USP6NL: variants seen among roughly 807,000 people sequenced by gnomAD.
The protein encoded by USP6NL is USP6 N-terminal like, also known as USP6 N-terminal-like protein.
A neutral mutation model predicts 61.9 loss-of-function variants in USP6NL; 26 were observed. That is an observed-to-expected ratio of 0.42 (90% CI 0.31 to 0.58). The LOEUF (loss-of-function observed/expected upper bound fraction) is 0.58. Ranked by LOEUF, USP6NL falls within the 20% of genes least tolerant of loss-of-function variation. The pLI is 0.16. For missense variants in USP6NL, 1,114 were observed against 1,034.3 expected, an observed-to-expected ratio of 1.08 and a Z score of -1.06; for synonymous variants, 432 against 390.1, an observed-to-expected ratio of 1.11 and a Z score of -1.27.
chr10:11,551,697 T>C (rs1836495476), intron 2 of USP6NL, among the ~76,000 whole-genome samples: 2 of 152,246 alleles, frequency 1.3e-5, no homozygotes, highest in Non-Finnish European at 2.9e-5. Context: ...TCCTGTTCAC[T>C]TAACTATGTT....
intron 4 of USP6NL, among the ~76,000 whole-genome samples, chr10:11,522,431 C>T (rs1321796304): frequency 6.6e-6 from 1 of 152,196 alleles, no homozygotes; most frequent in Non-Finnish European, 1.5e-5. Context: ...GCGCATAAAA[C>T]TCCGGTCTGT....
chr10:11,609,745 T>C (rs970568812), intron 1 of USP6NL, among the ~76,000 whole-genome samples: 6 of 152,236 alleles, frequency 3.9e-5, no homozygotes, highest in Admixed American at 3.9e-4. Flanking sequence ...TGCTTGGCAT[T>C]GGAGACTCAG....
rs1431566233 is a variant in USP6NL, at chr10:11,595,431, G to C, written c.4+2200C>G. 6.6e-6 allele frequency among the ~76,000 whole-genome samples: 1 copy of C among 152,132 alleles called. No individual in the cohort carries two copies. Among genetic ancestry groups the C allele is most frequent in the South Asian group, 2.1e-4 (1 of 4,828 alleles). ...GCACTTTTCCTTAATTATGAAACTA[G>C]ATTGAAAATGCTTCTACTAACTGTG... On this transcript the variant is annotated intron_variant, in intron 2 of 14. Transcript: ENST00000609104. This position sits in a 1 kb window ranked among gnomAD's most constrained non-coding sequence, Gnocchi z 5.3.
At chr10:11,571,880 AC>A (rs1339180820) in intron 2 of USP6NL, among the ~76,000 whole-genome samples, 1 of 151,124 alleles carries the variant, frequency 6.6e-6, no homozygotes, top group African/African-American at 2.4e-5. Context: ...AAAAAAAAAA[AC>A]TGTCTGAAAA....
intron 2 of USP6NL, among the ~76,000 whole-genome samples, chr10:11,584,551 C>A (rs868477485): frequency 2.0e-5 from 3 of 152,278 alleles, no homozygotes; most frequent in Admixed American, 6.5e-5. Context: ...ACTCTTCCCC[C>A]CTTTCTGAAA....
chr10:11,558,266 T>G (rs1335479312), intron 2 of USP6NL, among the ~76,000 whole-genome samples: 2 of 152,200 alleles, frequency 1.3e-5, no homozygotes, highest in Non-Finnish European at 2.9e-5. Flanking sequence ...GTATACACAC[T>G]GATCTCCAAA....
At chr10:11,576,449 T>A (rs1021259662) in intron 2 of USP6NL, among the ~76,000 whole-genome samples, 2 of 152,144 alleles carry the variant, frequency 1.3e-5, no homozygotes, top group African/African-American at 4.8e-5. Flanking sequence ...CCTTTGAGAG[T>A]TGATTAAATC....
rs1838506177 is a variant in USP6NL at position 11,600,944 on chromosome 10, G to C, written c.-83-3227C>G. Reference sequence around the variant, plus strand: ...GATCGCACCACTGCACTCCAGCCTGGGCAACAGAGCAAGACTCTATCTCAA... The same window carrying C: ...GATCGCACCACTGCACTCCAGCCTGCGCAACAGAGCAAGACTCTATCTCAA... On this transcript the variant is annotated intron_variant, in intron 1 of 14. Transcript: ENST00000609104. This position sits in a 1 kb window ranked among gnomAD's most constrained non-coding sequence, Gnocchi z 4.1. 6.6e-6 allele frequency among the ~76,000 whole-genome samples: 1 copy of C among 151,954 alleles called. No homozygotes were observed.
chr10:11,473,939 G>C (rs1281506135), intron 14 of USP6NL, among the ~76,000 whole-genome samples: 1 of 152,066 alleles, frequency 6.6e-6, no homozygotes, highest in Non-Finnish European at 1.5e-5. Flanking sequence ...AGAATGAGGT[G>C]GTGGGCGACG....
Position 11,518,448 on chromosome 10 carries a change from C to T in USP6NL, c.195+87G>A. On this transcript the variant is annotated intron_variant, in intron 5 of 14. Coordinates refer to ENST00000609104, the MANE Select transcript of USP6NL (RefSeq NM_014688.5). This position sits in a 1 kb window ranked among gnomAD's most constrained non-coding sequence, Gnocchi z 5.3. The stretch of plus-strand genomic sequence containing the variant: ...ACTGTACCATTCCCATATAATATGG[C>T]ACTTAAAATCACAAAGGTGGTCAAT... 8.8e-7 allele frequency: 1 copy of T among 1,141,012 alleles called. No homozygotes were observed. Among genetic ancestry groups the T allele is most frequent in the Non-Finnish European group, 1.3e-6 (1 of 757,094 alleles). 70.7% of individuals were successfully genotyped at this position (1,141,012 alleles called of 1,614,324 possible).
Position 11,561,968 on chromosome 10 carries a change from C to T in USP6NL, c.5-34401G>A, listed in dbSNP as rs954345293. On this transcript the variant is annotated intron_variant, in intron 2 of 14. Coordinates refer to ENST00000609104, the MANE Select transcript of USP6NL (RefSeq NM_014688.5). This position sits in a 1 kb window ranked among gnomAD's most constrained non-coding sequence, Gnocchi z 4.1. ...TTCTCTCATCTTCCTAAAAGAATGC[C>T]AGATCTTTTTAAGCAAGGATGTTCT... Among the ~76,000 whole-genome samples, 3 of 152,072 alleles carry T rather than the reference C, an allele frequency of 2.0e-5. No homozygotes were observed. The highest frequency in any genetic ancestry group is 6.5e-5 in the Admixed American group (1 of 15,278).
intron 8 of USP6NL, among the ~76,000 whole-genome samples, chr10:11,492,030 A>G (rs1276599157): frequency 6.6e-6 from 1 of 152,210 alleles, no homozygotes; most frequent in African/African-American, 2.4e-5. Context: ...ATCATCTAAC[A>G]TAAGGTATCT....
At chr10:11,464,255 A>G (rs1832344482) in intron 14 of USP6NL, among the ~76,000 whole-genome samples, 1 of 152,224 alleles carries the variant, frequency 6.6e-6, no homozygotes, top group African/African-American at 2.4e-5. Context: ...TTTCAGCAGA[A>G]GAATTACACG....
At position 11,462,519 on chromosome 10, in the gene USP6NL, T is replaced by C; in HGVS notation, c.2409A>G (p.Pro803=). 1 of 1,614,032 alleles carries C rather than the reference T, an allele frequency of 6.2e-7. No homozygotes were observed. The highest frequency in any genetic ancestry group is 8.5e-7 in the Non-Finnish European group (1 of 1,179,910). The change falls in exon 15 of 15, where the codon CCA becomes CCG. Residue 803 remains proline, a synonymous_variant. Coordinates refer to ENST00000609104, the MANE Select transcript of USP6NL (RefSeq NM_014688.5). ...AAEDASPSGY[P]YSGPPPPAYH... ...AGGCTGGAGGCGGGGGCCCTGAATA[T>C]GGATATCCAGATGGACTGGCATCTT... is the stretch of plus-strand genomic sequence containing the variant.
rs1331534226 is a variant in USP6NL, at chr10:11,492,893, T to C, written c.494+226A>G. ...TACATTTCTAAGAATCCCCAGATTA[T>C]AAAATGAGTCTTTACCAATTTTATA... On this transcript the variant is annotated intron_variant, in intron 8 of 14. Transcript: ENST00000609104. Among the ~76,000 whole-genome samples, 3 of 152,360 alleles carry C rather than the reference T, an allele frequency of 2.0e-5. No individual in the cohort carries two copies. The East Asian group carries it at 5.8e-4, about 29-fold the overall frequency.
chr10:11,508,562 T>A (rs1243500519), intron 6 of USP6NL, among the ~76,000 whole-genome samples: 3 of 152,250 alleles, frequency 2.0e-5, no homozygotes, highest in Admixed American at 2.0e-4. Flanking sequence ...ACTGTGGAAT[T>A]AGTGATTCCT....
rs1459993650 is a variant in USP6NL at position 11,509,592 on chromosome 10, T to C, written c.276+3A>G. The stretch of plus-strand genomic sequence containing the variant: ...CATATGGAAAAACATGATTTTAAAT[T>C]ACCTTTTCAGTGTTCTTGTATTTTT... On this transcript the variant is annotated splice_donor_region_variant and intron_variant, in intron 6 of 14. Coordinates refer to ENST00000609104, the MANE Select transcript of USP6NL (RefSeq NM_014688.5). 3.2e-6 allele frequency: 5 copies of C among 1,546,518 alleles called. No individual in the cohort carries two copies. Among genetic ancestry groups the C allele is most frequent in the African/African-American group, 1.4e-5 (1 of 73,166 alleles).
At chr10:11,471,475 G>A (rs1304143936) in intron 14 of USP6NL, among the ~76,000 whole-genome samples, 3 of 152,110 alleles carry the variant, frequency 2.0e-5, no homozygotes, top group Middle Eastern at 3.2e-3. Flanking sequence ...CCCATTACTG[G>A]ATATATACCC....
chr10:11,488,788 T>C (rs1833585707), intron 10 of USP6NL, among the ~76,000 whole-genome samples: 1 of 152,210 alleles, frequency 6.6e-6, no homozygotes, highest in South Asian at 2.1e-4. Flanking sequence ...ATCTTTTATT[T>C]CTCCCAATAA....
Sources: gnomAD v4.1 joint callset for allele counts (sites outside exome capture counted in the v4.1 genomes callset) on GRCh38, gnomAD v4.1.1 for gene constraint, Gnocchi (gnomAD v3.1) non-coding constraint, MANE v1.5 for transcripts, NCBI Gene and HGNC (gene_info 2026-07-23, HGNC 2026-07-21) for gene names.